GPC6: variants seen among roughly 807,000 people sequenced by gnomAD.
The protein encoded by GPC6 is glypican 6.
Under a neutral mutation model 55.2 loss-of-function variants are expected in GPC6, and 14 were observed. The observed-to-expected ratio is 0.25, with a 90% confidence interval of 0.17 to 0.40. The LOEUF (loss-of-function observed/expected upper bound fraction) is 0.40. Ranked by LOEUF, GPC6 falls within the 10% of genes least tolerant of loss-of-function variation. The pLI is 1.00. For synonymous variants in GPC6, 278 were observed against 259.6 expected (o/e 1.07, Z -0.68); for missense variants, 641 against 708.5 (o/e 0.90, Z 1.08).
chr13:93,897,272 A>G (rs1876070036), intron 3 of GPC6, among the ~76,000 whole-genome samples: 1 of 152,042 alleles, frequency 6.6e-6, no homozygotes, highest in African/African-American at 2.4e-5. Flanking sequence ...TAAGGTGGCT[A>G]TAGTTAGTAT....
chr13:93,529,493 T>C (rs181219931), intron 1 of GPC6, among the ~76,000 whole-genome samples: 8 of 149,910 alleles, frequency 5.3e-5, no homozygotes, highest in Admixed American at 2.0e-4. Flanking sequence ...CTTCCTTCCA[T>C]AGTGGACTCT....
At chr13:93,448,348 T>C (rs112258652) in intron 1 of GPC6, among the ~76,000 whole-genome samples, 89 of 152,334 alleles carry the variant, frequency 5.8e-4, no homozygotes, top group Non-Finnish European at 1.1e-3. Flanking sequence ...CCATATAGCC[T>C]TGGTGTACAG....
chr13:93,605,681 C>CAA (rs747120957), intron 2 of GPC6, among the ~76,000 whole-genome samples: 2,411 of 113,620 alleles, frequency 0.021, 70 homozygotes, highest in African/African-American at 0.071. Context: ...TACAAAAATG[C>CAA]AAAAAAAAAA....
At chr13:93,478,734 T>C (rs1318591398) in intron 1 of GPC6, among the ~76,000 whole-genome samples, 2 of 152,140 alleles carry the variant, frequency 1.3e-5, no homozygotes, top group African/African-American at 2.4e-5. Flanking sequence ...ATGTTACAGG[T>C]CAGTCAGTAT....
chr13:93,718,571 T>C (rs1172675194), intron 2 of GPC6, among the ~76,000 whole-genome samples: 3 of 152,106 alleles, frequency 2.0e-5, no homozygotes, highest in African/African-American at 4.8e-5. Flanking sequence ...TTCACTCTGA[T>C]GATAGTTTAT....
intron 1 of GPC6, among the ~76,000 whole-genome samples, chr13:93,357,077 C>A (rs1394721616): frequency 2.0e-5 from 3 of 152,098 alleles, no homozygotes; most frequent in Admixed American, 1.3e-4. Context: ...AGTGTATAAC[C>A]CAGTTTCCTC....
At chr13:93,428,529 A>G (rs1877238398) in intron 1 of GPC6, among the ~76,000 whole-genome samples, 1 of 152,026 alleles carries the variant, frequency 6.6e-6, no homozygotes, top group South Asian at 2.1e-4. Flanking sequence ...AAACTTCTCT[A>G]CTCTGGGGGT....
At chr13:93,709,382 C>T (rs1882973186) in intron 2 of GPC6, among the ~76,000 whole-genome samples, 1 of 151,806 alleles carries the variant, frequency 6.6e-6, no homozygotes, top group Admixed American at 6.6e-5. Context: ...ATCTGGTTAA[C>T]ACCCTCTTGG....
chr13:93,914,230 C>T (rs1220337407), intron 3 of GPC6, among the ~76,000 whole-genome samples: 2 of 151,988 alleles, frequency 1.3e-5, no homozygotes, highest in African/African-American at 2.4e-5. Context: ...CCCCACCCCA[C>T]AACAGGCCCC....
chr13:94,224,958 A>T (rs1228344492), intron 4 of GPC6, among the ~76,000 whole-genome samples: 1 of 152,100 alleles, frequency 6.6e-6, no homozygotes, highest in African/African-American at 2.4e-5. Flanking sequence ...TTTCAGAGAA[A>T]TGCTTCAGGA....
At chr13:94,155,625 G>A (rs494817) in intron 4 of GPC6, among the ~76,000 whole-genome samples, 86,923 of 152,004 alleles carry the variant, frequency 0.57, 26,275 homozygotes, top group Non-Finnish European at 0.67. Flanking sequence ...AGCAATACAG[G>A]TCAGACCAGG....
At chr13:94,215,059 C>T (rs1890187319) in intron 4 of GPC6, among the ~76,000 whole-genome samples, 1 of 152,214 alleles carries the variant, frequency 6.6e-6, no homozygotes, top group South Asian at 2.1e-4. Flanking sequence ...CCAGCTCCTA[C>T]TTGTCCACAC....
At chr13:93,676,032 A>C (rs1881574852) in intron 2 of GPC6, among the ~76,000 whole-genome samples, 1 of 149,804 alleles carries the variant, frequency 6.7e-6, no homozygotes, top group African/African-American at 2.5e-5. Flanking sequence ...GCACTTTGGG[A>C]GGCCAAGGCA....
chr13:93,657,457 G>A (rs953549066), intron 2 of GPC6, among the ~76,000 whole-genome samples: 1 of 151,882 alleles, frequency 6.6e-6, no homozygotes, highest in Non-Finnish European at 1.5e-5. Context: ...AACTCAAGAT[G>A]GATTAAATAC....
chr13:93,847,475 TG>T (rs1888224579), intron 3 of GPC6, among the ~76,000 whole-genome samples: 1 of 152,172 alleles, frequency 6.6e-6, no homozygotes, highest in African/African-American at 2.4e-5. Context: ...TCACAATCTT[TG>T]GGTAAAGAAG....
At chr13:94,327,258 G>A (rs1877170998) in intron 6 of GPC6, among the ~76,000 whole-genome samples, 1 of 152,154 alleles carries the variant, frequency 6.6e-6, no homozygotes, top group African/African-American at 2.4e-5. Flanking sequence ...TTCCCCCTCT[G>A]TGTCAGCAAA....
intron 2 of GPC6, among the ~76,000 whole-genome samples, chr13:93,607,507 T>C (rs1485743404): frequency 6.6e-6 from 1 of 152,120 alleles, no homozygotes; most frequent in Admixed American, 6.6e-5. Context: ...CCCAATAGGT[T>C]GAATTTTCCT....
chr13:93,385,529 G>T (rs923424767), intron 1 of GPC6, among the ~76,000 whole-genome samples: 3 of 152,222 alleles, frequency 2.0e-5, no homozygotes, highest in Non-Finnish European at 4.4e-5. Flanking sequence ...ACAGGCCAGG[G>T]CCCCGAACAG....
At chr13:94,188,251 G>C (rs1889267379) in intron 4 of GPC6, among the ~76,000 whole-genome samples, 1 of 152,160 alleles carries the variant, frequency 6.6e-6, no homozygotes, top group Non-Finnish European at 1.5e-5. Context: ...ACACAAAGAG[G>C]GGAGTGGTGT....
Sources: allele counts gnomAD v4.1 joint callset (sites outside exome capture counted in the v4.1 genomes callset), GRCh38; gene constraint gnomAD v4.1.1; transcripts MANE v1.5; gene names NCBI Gene and HGNC (gene_info 2026-07-23, HGNC 2026-07-21).